NECAB2: variants seen among roughly 807,000 people sequenced by gnomAD.
NECAB2 encodes N-terminal EF-hand calcium-binding protein 2.
NECAB2 carries 68 observed loss-of-function variants against 51.9 expected under a neutral mutation model. The observed-to-expected ratio is 1.31, with a 90% CI of 1.08 to 1.60. The LOEUF is 1.60. NECAB2 is among the 40% of genes most tolerant of loss of function. The pLI is 0.00. For missense variants in NECAB2, 854 were observed against 490.3 expected (o/e 1.74, Z -7.00); for synonymous variants, 329 against 203.5 (o/e 1.62, Z -5.25).
intron 8 of NECAB2, among the ~76,000 whole-genome samples, chr16:83,996,354 C>T (rs1047143752): frequency 1.3e-5 from 2 of 152,366 alleles, no homozygotes; most frequent in East Asian, 3.9e-4. Flanking sequence ...TCAGCTACTA[C>T]AGAGCCCAGT....
At chr16:83,972,530 G>T (rs73246942) in intron 2 of NECAB2, among the ~76,000 whole-genome samples, 21,318 of 152,230 alleles carry the variant, frequency 0.14, 4,064 homozygotes, top group African/African-American at 0.43. Flanking sequence ...AACCCTCCTT[G>T]AAAGGAAGCC....
chr16:83,991,814 C>CTTTTTTT (rs1362219666), intron 6 of NECAB2, among the ~76,000 whole-genome samples: 2 of 142,760 alleles, frequency 1.4e-5, no homozygotes, highest in African/African-American at 5.7e-5. Flanking sequence ...CCACACCCAG[C>CTTTTTTT]TATTTTTTTT....
intron 9 of NECAB2, 36 bp from the exon 10 acceptor site, chr16:83,998,169 G>A (rs373069337): frequency 3.5e-5 from 56 of 1,587,636 alleles, no homozygotes; most frequent in South Asian, 1.6e-4. Context: ...AAGGCCTGAC[G>A]TGGAGCCCCA....
At position 83,968,384 on chromosome 16, in the gene NECAB2, C is replaced by A. The variant is rs1404443547; in HGVS notation, c.-265C>A. Among the ~76,000 whole-genome samples, 1 of 150,086 alleles carries A rather than the reference C, an allele frequency of 6.7e-6. No individual in the cohort carries two copies. The highest frequency in any genetic ancestry group is 1.5e-5 in the Non-Finnish European group (1 of 67,406). On this transcript the variant is annotated 5_prime_UTR_variant, in exon 1 of 13. Coordinates refer to ENST00000305202, the MANE Select transcript of NECAB2 (RefSeq NM_019065.3). ...CTCCGGGTAGCCCCCTCTGTGGCTG[C>A]GCCCGCGCCCCTCGCCCCGGCGGGC...
Position 83,997,221 on chromosome 16 carries a change from G to A in NECAB2, c.801G>A (p.Leu267=), listed in dbSNP as rs759608036. The change falls in exon 9 of 13, where the codon CTG becomes CTA. Residue 267 remains leucine (L), a synonymous_variant. Coordinates refer to ENST00000305202, the MANE Select transcript of NECAB2 (RefSeq NM_019065.3). ...ELIGRLESKA[L]WFDLQQRLSD... ...TGTGTGCTGGATTGTTTCAGGCACT[G>A]TGGTTCGACCTGCAGCAGCGCCTGT... 2 of 1,614,170 alleles carry A rather than the reference G, an allele frequency of 1.2e-6. No individual in the cohort carries two copies. The highest frequency in any genetic ancestry group is 1.7e-5 in the Admixed American group (1 of 60,022).
At chr16:83,998,600 A>C (rs2084756184) in intron 10 of NECAB2, among the ~76,000 whole-genome samples, 1 of 152,086 alleles carries the variant, frequency 6.6e-6, no homozygotes, top group Non-Finnish European at 1.5e-5. Context: ...ATATACAATC[A>C]AGTGTGTGAA....
chr16:83,983,421 T>C (rs921107597), intron 5 of NECAB2, among the ~76,000 whole-genome samples: 16 of 152,192 alleles, frequency 1.1e-4, no homozygotes, highest in African/African-American at 3.9e-4. Context: ...GATTTTCGAG[T>C]GCATCTCTAG....
chr16:83,994,922 G>T (rs1027118115), intron 8 of NECAB2, among the ~76,000 whole-genome samples: 1 of 152,140 alleles, frequency 6.6e-6, no homozygotes, highest in Non-Finnish European at 1.5e-5. Flanking sequence ...AGTGTTGGGG[G>T]GTCAGGCGGG....
At chr16:83,972,446 G>A (rs1485697684) in intron 2 of NECAB2, among the ~76,000 whole-genome samples, 2 of 152,246 alleles carry the variant, frequency 1.3e-5, no homozygotes, top group Non-Finnish European at 1.5e-5. Context: ...ATGACTGGCC[G>A]TGGTAAGGGC....
intron 8 of NECAB2, among the ~76,000 whole-genome samples, 185 bp from the exon 9 acceptor site, chr16:83,997,031 C>T (rs1214059948): frequency 6.6e-6 from 1 of 152,100 alleles, no homozygotes; most frequent in African/African-American, 2.4e-5. Context: ...ACCCCAGCAA[C>T]ATGTTCTAGG....
In NECAB2 at chr16:83,971,886, G is replaced by A. The variant is rs1010494616; in HGVS notation, c.202-265G>A. On this transcript the variant is annotated intron_variant, in intron 1 of 12. Transcript: ENST00000305202. The stretch of plus-strand genomic sequence containing the variant: ...CCTGCAGGGATGGCCGTGGGCCTGC[G>A]TGTGTGTGTCAGCGTGGCTGGGAGC... 31 of 585,806 alleles carry A rather than the reference G, an allele frequency of 5.3e-5. No individual in the cohort carries two copies. The Admixed American group carries it at 7.5e-4, about 14-fold the overall frequency. The allele number at this position is 585,806 out of a possible 1,614,324, so 36.3% of individuals were successfully genotyped here. A position where few individuals can be genotyped will look rare whatever the true frequency, so the allele number is the denominator to read the frequency against.
intron 5 of NECAB2, 44 bp downstream of exon 5, chr16:83,981,171 T>C (rs1244588782): frequency 6.5e-7 from 1 of 1,540,874 alleles, no homozygotes; most frequent in South Asian, 1.1e-5. Flanking sequence ...GCTCCAGTGC[T>C]GCTTCAGTTC....
chr16:83,974,584 G>A (rs549726967), intron 2 of NECAB2, among the ~76,000 whole-genome samples: 85 of 152,260 alleles, frequency 5.6e-4, no homozygotes, highest in African/African-American at 2.0e-3. Flanking sequence ...TCTTCATTGT[G>A]ATCCTCCTGA....
intron 2 of NECAB2, among the ~76,000 whole-genome samples, chr16:83,977,597 G>C (rs926403217): frequency 6.6e-6 from 1 of 152,092 alleles, no homozygotes; most frequent in Non-Finnish European, 1.5e-5. Flanking sequence ...CAGAGGAGCT[G>C]TGGAGGCCCC....
chr16:83,990,772 G>A (rs768494670), intron 6 of NECAB2, 142 bp downstream of exon 6: 2 of 1,066,664 alleles, frequency 1.9e-6, no homozygotes, highest in Admixed American at 2.8e-5. Context: ...TGCCTTTGGT[G>A]CTCCATTATG....
rs2084840607 is a variant in NECAB2 at position 84,001,755 on chromosome 16, A to AGT, written c.1041-70_1041-69insGT. The AGT allele has an allele frequency of 4.5e-6, 7 of 1,547,388 alleles. No homozygotes were observed. The African/African-American group carries it at 6.9e-5, about 15-fold the overall frequency. ...CTCCCCATTTTGGGCTAGAGCTAGG[A>AGT]TTAACAGGGGAGCCACACGCGGAGC... On this transcript the variant is annotated intron_variant, in intron 11 of 12. Coordinates refer to ENST00000305202, the MANE Select transcript of NECAB2 (RefSeq NM_019065.3).
rs796952980 is a variant in NECAB2 at position 84,002,647 on chromosome 16, C to T, written c.*301C>T. The T allele has an allele frequency of 3.9e-6, 2 of 510,304 alleles. No homozygotes were observed. Among genetic ancestry groups the T allele is most frequent in the African/African-American group, 1.9e-5 (1 of 51,484 alleles). 31.6% of individuals were successfully genotyped at this position (510,304 alleles called of 1,614,324 possible). ...TACCCCTCACATGGCCACGCATGACCCACACTGACCACACCCTGCCCTCTT... is the reference window on the plus strand; with the variant it reads ...TACCCCTCACATGGCCACGCATGACTCACACTGACCACACCCTGCCCTCTT... On this transcript the variant is annotated 3_prime_UTR_variant, in exon 13 of 13. Transcript: ENST00000305202.
At chr16:83,985,555 C>A (rs1037190875) in intron 5 of NECAB2, among the ~76,000 whole-genome samples, 1 of 151,548 alleles carries the variant, frequency 6.6e-6, no homozygotes, top group Non-Finnish European at 1.5e-5. Flanking sequence ...ATGACTTGAA[C>A]CCGGGAGGTG....
chr16:83,993,869 T>G (rs2084658049), intron 6 of NECAB2, among the ~76,000 whole-genome samples: 1 of 152,098 alleles, frequency 6.6e-6, no homozygotes, highest in Admixed American at 6.6e-5. Flanking sequence ...AGGGGGGTCT[T>G]GAAACCAGGT....
Sources: gnomAD v4.1 joint callset for allele counts (sites outside exome capture counted in the v4.1 genomes callset) on GRCh38, gnomAD v4.1.1 for gene constraint, MANE v1.5 for transcripts, NCBI Gene and HGNC (gene_info 2026-07-23, HGNC 2026-07-21) for gene names.